RCSD1: variants seen among roughly 807,000 people sequenced by gnomAD.
RCSD1 encodes the protein capZ-interacting protein.
RCSD1 carries 26 observed loss-of-function variants against 42.5 expected under a neutral mutation model. That is an observed-to-expected ratio of 0.61 (90% CI 0.45 to 0.85). The LOEUF (loss-of-function observed/expected upper bound fraction) is 0.85, where lower values mean the gene tolerates loss of function less well. Among genes scored for constraint, RCSD1 ranks in the 40% least tolerant of loss-of-function variants. The pLI, the probability that RCSD1 is intolerant of heterozygous loss-of-function variation, is 0.00. For synonymous variants in RCSD1, 220 were observed against 212.2 expected (o/e 1.04, Z -0.32); for missense variants, 571 against 528.3 (o/e 1.08, Z -0.79).
At chr1:167,660,887 T>C (rs969350753) in intron 1 of RCSD1, among the ~76,000 whole-genome samples, 3 of 152,152 alleles carry the variant, frequency 2.0e-5, no homozygotes, top group African/African-American at 7.2e-5. Context: ...CACCAAATTG[T>C]TGGTTGATTG....
chr1:167,697,469 C>T lies in RCSD1; in HGVS notation c.845C>T (p.Pro282Leu), dbSNP rs75676729. ...DGQHPAQEEV[P>L]ESPQTSGPEA... The stretch of plus-strand genomic sequence containing the variant: ...CAGCACCCGGCCCAAGAGGAGGTCC[C>T]GGAATCGCCCCAGACCTCTGGCCCA... Residue 282 changes from proline (P) to leucine (L), a missense_variant, in exon 6 of 7, where the codon CCG becomes CTG. Transcript: ENST00000367854. The T allele has an allele frequency of 6.7e-4, 1,084 of 1,610,274 alleles. 11 individuals carry two copies. In the African/African-American group the frequency reaches 0.013, roughly 19 times the overall value.
intron 1 of RCSD1, among the ~76,000 whole-genome samples, chr1:167,667,315 A>G (rs1658684578): frequency 6.6e-6 from 1 of 152,222 alleles, no homozygotes; most frequent in Admixed American, 6.5e-5. Context: ...GAAGGCAGAT[A>G]CTGAGACCGG....
At chr1:167,700,819 G>A (rs1016115646) in intron 6 of RCSD1, among the ~76,000 whole-genome samples, 1 of 152,204 alleles carries the variant, frequency 6.6e-6, no homozygotes, top group Non-Finnish European at 1.5e-5. Flanking sequence ...GGTCCAAGTA[G>A]TCACCTGCCA....
intron 6 of RCSD1, among the ~76,000 whole-genome samples, chr1:167,702,088 A>G (rs1198156670): frequency 6.6e-6 from 1 of 152,194 alleles, no homozygotes; most frequent in Non-Finnish European, 1.5e-5. Context: ...CGTTATCCCT[A>G]CCACTATGTG....
At chr1:167,698,147 A>T (rs905323091) in intron 6 of RCSD1, among the ~76,000 whole-genome samples, 1 of 152,204 alleles carries the variant, frequency 6.6e-6, no homozygotes, top group Non-Finnish European at 1.5e-5. Flanking sequence ...TGAGGCCTGC[A>T]AGCATCTATG....
chr1:167,707,536 A>T lies in RCSD1; in HGVS notation c.*2840A>T, dbSNP rs1462882579. ...TACAGTCACCCAAGTGATGTCAGGA[A>T]TCTCTCATGGTATTGGTCTCTGCTT... On this transcript the variant is annotated 3_prime_UTR_variant, in exon 7 of 7. Coordinates refer to ENST00000367854, the MANE Select transcript of RCSD1 (RefSeq NM_052862.4). 2.7e-5 allele frequency among the ~76,000 whole-genome samples: 4 copies of T among 150,212 alleles called. No homozygotes were observed. Among genetic ancestry groups the T allele is most frequent in the Non-Finnish European group, 5.9e-5 (4 of 67,332 alleles).
chr1:167,700,153 G>A (rs1659603666), intron 6 of RCSD1, among the ~76,000 whole-genome samples: 1 of 152,186 alleles, frequency 6.6e-6, no homozygotes, highest in Non-Finnish European at 1.5e-5. Context: ...AAAATTGTCT[G>A]ACCCAAAAGA....
intron 1 of RCSD1, among the ~76,000 whole-genome samples, chr1:167,677,567 T>A (rs1475375853): frequency 6.6e-6 from 1 of 152,230 alleles, no homozygotes; most frequent in African/African-American, 2.4e-5. Flanking sequence ...TGTGGGTAGA[T>A]AAGAGACAAA....
intron 4 of RCSD1, among the ~76,000 whole-genome samples, 196 bp downstream of exon 4, chr1:167,690,316 G>A (rs937937319): frequency 2.6e-4 from 40 of 152,088 alleles, no homozygotes; most frequent in African/African-American, 8.9e-4. Context: ...ACTAACATAA[G>A]GACCACATCA....
chr1:167,634,410 T>C (rs1432900247), intron 1 of RCSD1, among the ~76,000 whole-genome samples: 1 of 151,654 alleles, frequency 6.6e-6, no homozygotes, highest in Non-Finnish European at 1.5e-5. Flanking sequence ...TGTTTAGATA[T>C]GTTGGTTTTG....
At chr1:167,677,481 A>G (rs1658980400) in intron 1 of RCSD1, among the ~76,000 whole-genome samples, 1 of 152,250 alleles carries the variant, frequency 6.6e-6, no homozygotes, top group African/African-American at 2.4e-5. Flanking sequence ...CCTTTCGCCA[A>G]AGATGATGTT....
chr1:167,686,709 G>T (rs574427496), intron 3 of RCSD1, among the ~76,000 whole-genome samples: 43 of 152,354 alleles, frequency 2.8e-4, no homozygotes, highest in African/African-American at 1.0e-3. Flanking sequence ...GGGGTCATCA[G>T]CCAGTGCTGT....
intron 5 of RCSD1, among the ~76,000 whole-genome samples, chr1:167,696,769 G>T (rs1659506895): frequency 6.6e-6 from 1 of 152,022 alleles, no homozygotes; most frequent in African/African-American, 2.4e-5. Context: ...TTTTTTAAGT[G>T]TCAGAATAAA....
chr1:167,630,345 A>G lies in RCSD1; in HGVS notation c.-79A>G. On this transcript the variant is annotated 5_prime_UTR_variant, in exon 1 of 7. Transcript: ENST00000367854. The stretch of plus-strand genomic sequence containing the variant: ...CAGCCCGAAACTGGCCACGGCCGGG[A>G]GCGGAGGGGACAGCGGGGATCGTGA... 2 of 1,354,948 alleles carry G rather than the reference A, an allele frequency of 1.5e-6. No individual in the cohort carries two copies. The highest frequency in any genetic ancestry group is 1.9e-6 in the Non-Finnish European group (2 of 1,037,760). 83.9% of individuals were successfully genotyped at this position (1,354,948 alleles called of 1,614,324 possible). A position where few individuals can be genotyped will look rare whatever the true frequency, so the allele number is the denominator to read the frequency against.
chr1:167,688,004 T>C (rs755048833), intron 3 of RCSD1, among the ~76,000 whole-genome samples: 4 of 152,178 alleles, frequency 2.6e-5, no homozygotes, highest in South Asian at 2.1e-4. Context: ...GCTATATATA[T>C]ACATATACAG....
chr1:167,635,180 G>T (rs1657806619), intron 1 of RCSD1, among the ~76,000 whole-genome samples: 1 of 151,852 alleles, frequency 6.6e-6, no homozygotes, highest in South Asian at 2.1e-4. Flanking sequence ...GCTGTTTTTT[G>T]ACCCACCCAC....
intron 4 of RCSD1, among the ~76,000 whole-genome samples, chr1:167,693,580 C>A (rs1041488200): frequency 6.6e-6 from 1 of 152,138 alleles, no homozygotes; most frequent in African/African-American, 2.4e-5. Flanking sequence ...GAATCAGACC[C>A]GGTGTGAATC....
At chr1:167,642,359 A>T (rs914933471) in intron 1 of RCSD1, among the ~76,000 whole-genome samples, 2 of 152,224 alleles carry the variant, frequency 1.3e-5, no homozygotes, top group African/African-American at 4.8e-5. Context: ...CATTCGCTTG[A>T]GTCTTACACG....
Position 167,630,400 on chromosome 1 carries a change from C to T in RCSD1, c.-24C>T, listed in dbSNP as rs377357365. The T allele has an allele frequency of 2.7e-4, 414 of 1,519,872 alleles. 2 individuals carry two copies. Among genetic ancestry groups the T allele is most frequent in the Non-Finnish European group, 3.3e-4 (371 of 1,130,398 alleles). 94.1% of individuals were successfully genotyped at this position (1,519,872 alleles called of 1,614,324 possible). On this transcript the variant is annotated 5_prime_UTR_variant, in exon 1 of 7. Coordinates refer to ENST00000367854, the MANE Select transcript of RCSD1 (RefSeq NM_052862.4). ...CGGCCCGGGCGAGCGGGTGCGTCTG[C>T]CGCAGAGTCGGCACCTGAAGGACAT...
Sources: allele counts gnomAD v4.1 joint callset (sites outside exome capture counted in the v4.1 genomes callset), GRCh38; gene constraint gnomAD v4.1.1; transcripts MANE v1.5; gene names NCBI Gene and HGNC (gene_info 2026-07-23, HGNC 2026-07-21).